JAZF1: variants seen among roughly 807,000 people sequenced by gnomAD.
JAZF1 encodes JAZF zinc finger 1, also known as juxtaposed with another zinc finger protein 1.
In JAZF1, 8 loss-of-function variants were observed where a neutral mutation model predicts 26.4. The ratio of observed to expected loss-of-function variants is 0.30; its 90% CI spans 0.18 to 0.55. JAZF1 has a LOEUF of 0.55. Among genes scored for constraint, JAZF1 ranks in the 20% least tolerant of loss-of-function variants. JAZF1 has a pLI of 0.94. For missense variants in JAZF1, 199 were observed against 322.0 expected (o/e 0.62, Z 2.92); for synonymous variants, 126 against 122.3 (o/e 1.03, Z -0.20).
At chr7:28,054,297 C>G (rs1419624905) in intron 1 of JAZF1, among the ~76,000 whole-genome samples, 1 of 152,178 alleles carries the variant, frequency 6.6e-6, no homozygotes, top group Non-Finnish European at 1.5e-5. Context: ...TGAAGAGATA[C>G]AACTTAAAAA....
At position 27,830,639 on chromosome 7, in the gene JAZF1, T is replaced by TTGAC; in HGVS notation, c.*2157_*2160dup. On this transcript the variant is annotated 3_prime_UTR_variant, in exon 5 of 5. Transcript: ENST00000283928. ...CATTTACATTTATAAGCAGCTTTTC[T>TTGAC]TGACAGGAATTTTGATTAAATTGCC... 5.4e-6 allele frequency: 1 copy of TTGAC among 184,088 alleles called. No individual in the cohort carries two copies. The highest frequency in any genetic ancestry group is 8.8e-5 in the East Asian group (1 of 11,314). The allele number at this position is 184,088 out of a possible 1,614,324, so 11.4% of individuals were successfully genotyped here. A position where few individuals can be genotyped will look rare whatever the true frequency, so the allele number is the denominator to read the frequency against.
intron 3 of JAZF1, among the ~76,000 whole-genome samples, chr7:27,871,071 T>C (rs936017789): frequency 6.6e-6 from 1 of 152,196 alleles, no homozygotes; most frequent in Non-Finnish European, 1.5e-5. Flanking sequence ...AAACCGTCAT[T>C]GTAACGAGAA....
intron 3 of JAZF1, among the ~76,000 whole-genome samples, chr7:27,890,753 C>T (rs967476289): frequency 5.9e-5 from 9 of 151,760 alleles, no homozygotes; most frequent in African/African-American, 1.7e-4. Context: ...CTTGCCTTTC[C>T]CTCTAAGTAA....
chr7:28,061,816 G>A (rs147925979), intron 1 of JAZF1, among the ~76,000 whole-genome samples: 1 of 152,290 alleles, frequency 6.6e-6, no homozygotes, highest in East Asian at 1.9e-4. Flanking sequence ...AGACAAGTGG[G>A]TATTTCTTGA....
At position 27,986,275 on chromosome 7, in the gene JAZF1, C is replaced by A. The variant is rs188039826; in HGVS notation, c.188+5634G>T. On this transcript the variant is annotated intron_variant, in intron 2 of 4. Coordinates refer to ENST00000283928, the MANE Select transcript of JAZF1 (RefSeq NM_175061.4). ...GCAACTTCAGCGAAGTCTCAGGATA[C>A]AAAATCAATGTGCAAAAATCACAAG... 8.7e-4 allele frequency among the ~76,000 whole-genome samples: 133 copies of A among 152,312 alleles called. 2 individuals carry two copies. Among genetic ancestry groups the A allele is most frequent in the African/African-American group, 3.1e-3 (127 of 41,558 alleles).
intron 2 of JAZF1, among the ~76,000 whole-genome samples, chr7:27,988,442 G>A (rs776530710): frequency 4.2e-4 from 63 of 149,352 alleles, no homozygotes; most frequent in Non-Finnish European, 6.8e-4. Context: ...TGGTGCCATC[G>A]TAGCTCACTG....
chr7:28,167,161 T>C (rs551630572), intron 1 of JAZF1, among the ~76,000 whole-genome samples: 2 of 152,298 alleles, frequency 1.3e-5, no homozygotes, highest in African/African-American at 4.8e-5. Context: ...GCACAGAAGC[T>C]GAGGGCTACA....
At chr7:27,835,493 C>A (rs1339136269) in intron 4 of JAZF1, among the ~76,000 whole-genome samples, 3 of 152,186 alleles carry the variant, frequency 2.0e-5, no homozygotes, top group Non-Finnish European at 4.4e-5. Context: ...GCCAACACCA[C>A]ACACACATCA....
At chr7:28,051,044 A>G (rs1460380787) in intron 1 of JAZF1, among the ~76,000 whole-genome samples, 4 of 151,058 alleles carry the variant, frequency 2.6e-5, no homozygotes, top group African/African-American at 9.7e-5. Context: ...AGACAGGAGA[A>G]TCGCGTGAAC....
chr7:28,045,402 G>A (rs1022592691), intron 1 of JAZF1, among the ~76,000 whole-genome samples: 5 of 152,142 alleles, frequency 3.3e-5, no homozygotes, highest in African/African-American at 9.7e-5. Context: ...GCTGAACTGA[G>A]ATTAAACTAT....
intron 3 of JAZF1, among the ~76,000 whole-genome samples, chr7:27,849,917 G>A (rs1283303417): frequency 2.6e-5 from 4 of 152,096 alleles, no homozygotes; most frequent in South Asian, 4.1e-4. Flanking sequence ...ACCTCTGCCC[G>A]CAGTTCCCTT....
intron 1 of JAZF1, among the ~76,000 whole-genome samples, chr7:28,065,869 C>T (rs891597509): frequency 1.3e-5 from 2 of 152,106 alleles, no homozygotes; most frequent in Non-Finnish European, 1.5e-5. Flanking sequence ...CTTTCCCAAA[C>T]AGTGCGCATT....
rs1265414330 is a variant in JAZF1 at position 27,830,914 on chromosome 7, A to T, written c.*1886T>A. On this transcript the variant is annotated 3_prime_UTR_variant, in exon 5 of 5. Transcript: ENST00000283928. ...TAACATGCACAATGACTATTTTATG[A>T]CTGTTTAGCTGTTGAACTACTGATC... 9.2e-6 allele frequency: 2 copies of T among 216,550 alleles called. No individual in the cohort carries two copies. Among genetic ancestry groups the T allele is most frequent in the Admixed American group, 5.8e-5 (1 of 17,262 alleles). 13.4% of individuals were successfully genotyped at this position (216,550 alleles called of 1,614,324 possible).
intron 1 of JAZF1, among the ~76,000 whole-genome samples, chr7:28,158,157 A>T (rs1783218445): frequency 8.8e-6 from 1 of 113,602 alleles, no homozygotes; most frequent in Non-Finnish European, 1.8e-5. Context: ...GCGCACACAC[A>T]CACACACACA....
chr7:28,163,596 C>A (rs1346563327), intron 1 of JAZF1, among the ~76,000 whole-genome samples: 1 of 152,182 alleles, frequency 6.6e-6, no homozygotes, highest in Non-Finnish European at 1.5e-5. Context: ...AAAAAGGGGT[C>A]ATCCCTAACC....
At chr7:28,093,326 C>T (rs772588370) in intron 1 of JAZF1, among the ~76,000 whole-genome samples, 6 of 152,106 alleles carry the variant, frequency 3.9e-5, no homozygotes, top group Admixed American at 6.5e-5. Context: ...TTCCCTCACT[C>T]GACGCATTCT....
At chr7:27,967,579 A>G (rs1785300365) in intron 2 of JAZF1, among the ~76,000 whole-genome samples, 1 of 152,232 alleles carries the variant, frequency 6.6e-6, no homozygotes, top group East Asian at 1.9e-4. Flanking sequence ...GGTTAAATGA[A>G]AAAGCAAAAT....
At chr7:28,166,045 C>T (rs1173083037) in intron 1 of JAZF1, among the ~76,000 whole-genome samples, 1 of 151,788 alleles carries the variant, frequency 6.6e-6, no homozygotes, top group African/African-American at 2.4e-5. Context: ...TTTTGTTAGA[C>T]AAAATCTTTC....
At chr7:27,943,460 A>T (rs1462998471) in intron 2 of JAZF1, among the ~76,000 whole-genome samples, 1 of 152,216 alleles carries the variant, frequency 6.6e-6, no homozygotes, top group East Asian at 1.9e-4. Context: ...ATCCGGGGAG[A>T]TGTGAGAAAG....
Sources: allele counts gnomAD v4.1 joint callset (sites outside exome capture counted in the v4.1 genomes callset), GRCh38; gene constraint gnomAD v4.1.1; transcripts MANE v1.5; gene names NCBI Gene and HGNC (gene_info 2026-07-23, HGNC 2026-07-21).